Variants in GIPC2 observed in about 807,000 individuals in gnomAD.
The protein encoded by GIPC2 is PDZ domain-containing protein GIPC2.
In GIPC2, 30 loss-of-function variants were observed where a neutral mutation model predicts 30.6. That is an observed-to-expected ratio of 0.98 (90% CI 0.73 to 1.33). GIPC2 has a LOEUF of 1.33. GIPC2 is among the 40% of genes most tolerant of loss of function. GIPC2 has a pLI of 0.00. For synonymous variants in GIPC2, 167 were observed against 150.0 expected, an observed-to-expected ratio of 1.11 and a Z score of -0.83; for missense variants, 414 against 390.3, an observed-to-expected ratio of 1.06 and a Z score of -0.51.
At chr1:78,071,360 A>G (rs1203747781) in intron 1 of GIPC2, among the ~76,000 whole-genome samples, 1 of 152,082 alleles carries the variant, frequency 6.6e-6, no homozygotes, top group Admixed American at 6.5e-5. Context: ...CTAATTATAA[A>G]TAGTTATATT....
chr1:78,104,174 GA>G (rs1421488541), intron 3 of GIPC2, among the ~76,000 whole-genome samples: 4 of 150,372 alleles, frequency 2.7e-5, no homozygotes, highest in African/African-American at 1.0e-4. Context: ...GTGGTGTGTA[GA>G]GGGGGGAGAG....
intron 3 of GIPC2, among the ~76,000 whole-genome samples, chr1:78,114,829 T>A (rs1482252558): frequency 6.6e-6 from 1 of 152,156 alleles, no homozygotes; most frequent in East Asian, 1.9e-4. Flanking sequence ...TGTAGGTTCA[T>A]CAGTTGTAGC....
intron 1 of GIPC2, among the ~76,000 whole-genome samples, chr1:78,077,497 C>T (rs560704236): frequency 1.6e-4 from 25 of 152,230 alleles, no homozygotes; most frequent in Admixed American, 4.6e-4. Flanking sequence ...CAGATTACCC[C>T]AGAAGGTGTT....
chr1:78,111,157 G>T (rs1662458326), intron 3 of GIPC2, among the ~76,000 whole-genome samples: 1 of 152,190 alleles, frequency 6.6e-6, no homozygotes, highest in Admixed American at 6.5e-5. Context: ...GGGTGGTTAG[G>T]GGAGGGAGCT....
chr1:78,103,063 G>A (rs1031630427), intron 3 of GIPC2, among the ~76,000 whole-genome samples: 1 of 152,192 alleles, frequency 6.6e-6, no homozygotes, highest in Non-Finnish European at 1.5e-5. Context: ...AAAAGGTGAA[G>A]CAGTTTGCCC....
intron 3 of GIPC2, among the ~76,000 whole-genome samples, chr1:78,113,658 G>C (rs1158285361): frequency 6.6e-6 from 1 of 152,118 alleles, no homozygotes; most frequent in Non-Finnish European, 1.5e-5. Context: ...CAAAACGCTG[G>C]GATTAGAGGC....
intron 5 of GIPC2, among the ~76,000 whole-genome samples, chr1:78,132,019 C>T (rs1302387119): frequency 6.6e-6 from 1 of 152,178 alleles, no homozygotes; most frequent in Non-Finnish European, 1.5e-5. Context: ...TACCACAGTA[C>T]CTCTCCAAGA....
chr1:78,135,916 A>G lies in GIPC2; in HGVS notation c.*173A>G. 1 of 522,044 alleles carries G rather than the reference A, an allele frequency of 1.9e-6. No individual in the cohort carries two copies. The highest frequency in any genetic ancestry group is 3.3e-6 in the Non-Finnish European group (1 of 305,010). 32.3% of individuals were successfully genotyped at this position (522,044 alleles called of 1,614,324 possible). On this transcript the variant is annotated 3_prime_UTR_variant, in exon 6 of 6. Coordinates refer to ENST00000370759, the MANE Select transcript of GIPC2 (RefSeq NM_017655.6). ...TAATTTTGATTTCTGGGCACTTTTT[A>G]ACATTGCTGATGTAGTATGCTTAAG... is the stretch of plus-strand genomic sequence containing the variant.
At chr1:78,060,240 G>A (rs944662874) in intron 1 of GIPC2, among the ~76,000 whole-genome samples, 36 of 151,662 alleles carry the variant, frequency 2.4e-4, no homozygotes, top group African/African-American at 8.7e-4. Context: ...AACCTCCTAG[G>A]CTCAAGTGAT....
At chr1:78,101,326 C>T (rs1220570617) in intron 3 of GIPC2, among the ~76,000 whole-genome samples, 1 of 152,124 alleles carries the variant, frequency 6.6e-6, no homozygotes, top group African/African-American at 2.4e-5. Flanking sequence ...AGAAAATGTA[C>T]CCTCAGAATC....
chr1:78,092,140 A>G (rs1003869838), intron 2 of GIPC2: 8 of 827,104 alleles, frequency 9.7e-6, no homozygotes, highest in East Asian at 2.5e-5. Flanking sequence ...AGGATGGGAG[A>G]CACACAAGAT....
At chr1:78,110,697 T>C (rs947343220) in intron 3 of GIPC2, among the ~76,000 whole-genome samples, 11 of 152,220 alleles carry the variant, frequency 7.2e-5, no homozygotes, top group Non-Finnish European at 1.5e-4. Context: ...CTTGCTGAAC[T>C]ATATAGCCTG....
intron 1 of GIPC2, among the ~76,000 whole-genome samples, chr1:78,061,004 G>A (rs1661382511): frequency 6.6e-6 from 1 of 152,092 alleles, no homozygotes; most frequent in Admixed American, 6.5e-5. Context: ...CTGAGGCCTG[G>A]GAATGGCAGT....
chr1:78,099,008 GA>G (rs1014177862), intron 3 of GIPC2, among the ~76,000 whole-genome samples: 1 of 151,988 alleles, frequency 6.6e-6, no homozygotes, highest in Admixed American at 6.6e-5. Context: ...AGGATAATAG[GA>G]AAAAAATTAC....
intron 2 of GIPC2, among the ~76,000 whole-genome samples, chr1:78,087,673 A>G (rs1661955630): frequency 6.6e-6 from 1 of 152,234 alleles, no homozygotes; most frequent in Non-Finnish European, 1.5e-5. Context: ...AAGACAATGT[A>G]GGCAATATCA....
intron 1 of GIPC2, among the ~76,000 whole-genome samples, chr1:78,064,675 T>C (rs571436796): frequency 1.6e-4 from 24 of 152,078 alleles, no homozygotes; most frequent in Admixed American, 1.2e-3. Flanking sequence ...AAAAATGTTT[T>C]TTAGAGAGAG....
chr1:78,087,233 A>C (rs1661947597), intron 2 of GIPC2, among the ~76,000 whole-genome samples: 1 of 152,212 alleles, frequency 6.6e-6, no homozygotes, highest in African/African-American at 2.4e-5. Flanking sequence ...CAGAACTATA[A>C]AAAATTATTT....
chr1:78,074,154 A>G (rs2100332298), intron 1 of GIPC2, among the ~76,000 whole-genome samples: 1 of 152,354 alleles, frequency 6.6e-6, no homozygotes, highest in Non-Finnish European at 1.5e-5. Flanking sequence ...AAGCATAAGT[A>G]TAAATATCAT....
chr1:78,071,788 GA>G (rs975422095), intron 1 of GIPC2, among the ~76,000 whole-genome samples: 1 of 152,090 alleles, frequency 6.6e-6, no homozygotes, highest in Non-Finnish European at 1.5e-5. Flanking sequence ...TCATGGGTTA[GA>G]AAAAGCCCGA....
Sources: gnomAD v4.1 joint callset for allele counts (sites outside exome capture counted in the v4.1 genomes callset) on GRCh38, gnomAD v4.1.1 for gene constraint, MANE v1.5 for transcripts, NCBI Gene and HGNC (gene_info 2026-07-23, HGNC 2026-07-21) for gene names.